GAS2: variants seen among roughly 807,000 people sequenced by gnomAD.
GAS2 encodes growth arrest-specific protein 2.
Under a neutral mutation model 37.5 loss-of-function variants are expected in GAS2, and 20 were observed. The observed-to-expected ratio is 0.53, with a 90% CI of 0.37 to 0.77. GAS2 has a LOEUF of 0.77. GAS2 is among the 30% of genes least tolerant of loss of function. The pLI is 0.00. For synonymous variants in GAS2, 144 were observed against 132.2 expected (o/e 1.09, Z -0.61); for missense variants, 336 against 373.4 (o/e 0.90, Z 0.82).
intron 7 of GAS2, among the ~76,000 whole-genome samples, chr11:22,805,439 T>C (rs1412105010): frequency 5.9e-5 from 9 of 152,114 alleles, no homozygotes; most frequent in Non-Finnish European, 1.2e-4. Flanking sequence ...TTCTTAACTA[T>C]AGTCATCATG....
chr11:22,644,155 C>T (rs1235535969), intron 1 of GAS2, among the ~76,000 whole-genome samples: 1 of 152,050 alleles, frequency 6.6e-6, no homozygotes, highest in East Asian at 1.9e-4. Flanking sequence ...TACTCTTTCA[C>T]TAAGTAGCAA....
intron 5 of GAS2, among the ~76,000 whole-genome samples, chr11:22,741,985 T>G (rs139596507): frequency 0.012 from 1,891 of 152,170 alleles, 35 homozygotes; most frequent in African/African-American, 0.042. Flanking sequence ...ATTTTCTAGT[T>G]TAGGCCTCAG....
intron 1 of GAS2, among the ~76,000 whole-genome samples, chr11:22,629,237 C>T (rs141995280): frequency 6.6e-6 from 1 of 152,128 alleles, no homozygotes; most frequent in East Asian, 1.9e-4. Context: ...TTCTTTGAGA[C>T]GTCTCCATAC....
chr11:22,672,149 T>C (rs996181907), intron 1 of GAS2, among the ~76,000 whole-genome samples: 2 of 152,142 alleles, frequency 1.3e-5, no homozygotes, highest in East Asian at 3.8e-4. Flanking sequence ...CACTAAGCCT[T>C]CTTTCTCTCA....
chr11:22,742,851 G>A (rs903532975), intron 5 of GAS2, among the ~76,000 whole-genome samples: 2 of 152,046 alleles, frequency 1.3e-5, no homozygotes, highest in African/African-American at 2.4e-5. Flanking sequence ...AAGGTGGCAT[G>A]AATCCACCTA....
At position 22,756,036 on chromosome 11, in the gene GAS2, G is replaced by A. The variant is rs193030535; in HGVS notation, c.723+83G>A. 2,871 of 929,010 alleles carry A rather than the reference G, an allele frequency of 3.1e-3. 10 individuals carry two copies. Among genetic ancestry groups the A allele is most frequent in the Non-Finnish European group, 4.1e-3 (2,469 of 601,266 alleles). The allele number at this position is 929,010 out of a possible 1,614,324, so 57.5% of individuals were successfully genotyped here. A position where few individuals can be genotyped will look rare whatever the true frequency, so the allele number is the denominator to read the frequency against. On this transcript the variant is annotated intron_variant, in intron 7 of 7. Transcript: ENST00000454584. ...GGGGAAATATGACAGATAAGAGCAG[G>A]AACTTCCATATGGTGCTTACGTTTA...
rs1443194372 is a variant in GAS2 at position 22,637,079 on chromosome 11, A to G, written c.-21+11266A>G. 3.8e-5 allele frequency among the ~76,000 whole-genome samples: 5 copies of G among 131,476 alleles called. No homozygotes were observed. The South Asian group carries it at 7.1e-4, about 19-fold the overall frequency. 86.3% of individuals were successfully genotyped at this position (131,476 alleles called of 152,430 possible). On this transcript the variant is annotated intron_variant, in intron 1 of 5. Coordinates refer to the GAS2 transcript ENST00000528582. ...AATATTATTATATTAATATTATATT[A>G]ATATAATAAGTAATATTGTATTACA...
At chr11:22,660,107 A>T (rs988429953) in intron 1 of GAS2, among the ~76,000 whole-genome samples, 1 of 152,128 alleles carries the variant, frequency 6.6e-6, no homozygotes, top group Non-Finnish European at 1.5e-5. Flanking sequence ...CTTTTTAAAA[A>T]CCATTTTTGC....
intron 7 of GAS2, among the ~76,000 whole-genome samples, chr11:22,786,054 C>T (rs916531026): frequency 6.6e-5 from 10 of 152,006 alleles, no homozygotes; most frequent in Non-Finnish European, 2.9e-5. Flanking sequence ...CAAAGCAAAC[C>T]AAGCAGAGAA....
At chr11:22,643,093 C>T (rs1848649053) in intron 1 of GAS2, among the ~76,000 whole-genome samples, 4 of 151,576 alleles carry the variant, frequency 2.6e-5, no homozygotes, top group Admixed American at 2.6e-4. Flanking sequence ...TAATAAAGTT[C>T]AAATAAATGA....
intron 7 of GAS2, among the ~76,000 whole-genome samples, chr11:22,794,547 CCTTT>C (rs1363434158): frequency 6.6e-6 from 1 of 152,134 alleles, no homozygotes; most frequent in Non-Finnish European, 1.5e-5. Context: ...TATTACACTT[CCTTT>C]CTTTCTATTT....
intron 7 of GAS2, among the ~76,000 whole-genome samples, chr11:22,779,260 G>A (rs1434279414): frequency 5.9e-5 from 9 of 152,116 alleles, no homozygotes; most frequent in African/African-American, 1.4e-4. Context: ...TGGAGATGAT[G>A]GAGAGACAAT....
chr11:22,709,729 C>G (rs1851303159), intron 3 of GAS2, among the ~76,000 whole-genome samples: 2 of 152,108 alleles, frequency 1.3e-5, no homozygotes, highest in South Asian at 4.2e-4. Context: ...TATCGTGGCA[C>G]TATTCACAAT....
At chr11:22,739,463 A>G (rs1297034778) in intron 5 of GAS2, among the ~76,000 whole-genome samples, 2 of 149,160 alleles carry the variant, frequency 1.3e-5, no homozygotes, top group East Asian at 2.0e-4. Flanking sequence ...TGTCCCAGCT[A>G]TCGGGAGGCT....
intron 5 of GAS2, among the ~76,000 whole-genome samples, chr11:22,747,918 G>A (rs1017393335): frequency 4.6e-5 from 7 of 152,028 alleles, no homozygotes; most frequent in Non-Finnish European, 8.8e-5. Flanking sequence ...CTTTCCCCTC[G>A]GAGTATGTAC....
At chr11:22,643,802 T>A (rs1848656761) in intron 1 of GAS2, among the ~76,000 whole-genome samples, 1 of 152,090 alleles carries the variant, frequency 6.6e-6, no homozygotes, top group Admixed American at 6.5e-5. Flanking sequence ...TTTATTTTTA[T>A]CCAACAGTTA....
chr11:22,699,041 C>G (rs889983592), intron 3 of GAS2, among the ~76,000 whole-genome samples: 1 of 152,260 alleles, frequency 6.6e-6, no homozygotes, highest in African/African-American at 2.4e-5. Context: ...CAAGCCCCCA[C>G]AAAATCTGTT....
At chr11:22,629,510 A>G (rs1026991293) in intron 1 of GAS2, among the ~76,000 whole-genome samples, 21 of 151,838 alleles carry the variant, frequency 1.4e-4, no homozygotes, top group Non-Finnish European at 2.9e-4. Flanking sequence ...TGGCTGGGGT[A>G]AGGTGGTATC....
At chr11:22,629,785 A>G (rs1026962644) in intron 1 of GAS2, among the ~76,000 whole-genome samples, 1 of 151,912 alleles carries the variant, frequency 6.6e-6, no homozygotes, top group Non-Finnish European at 1.5e-5. Context: ...TGAATATTTC[A>G]TTTGCTATGC....
Sources: gnomAD v4.1 joint callset for allele counts (sites outside exome capture counted in the v4.1 genomes callset) on GRCh38, gnomAD v4.1.1 for gene constraint, MANE v1.5 for transcripts, NCBI Gene and HGNC (gene_info 2026-07-23, HGNC 2026-07-21) for gene names.